Variants in PTPRD observed in about 807,000 individuals in gnomAD.
The protein encoded by PTPRD is receptor-type tyrosine-protein phosphatase delta.
A neutral mutation model predicts 214.5 loss-of-function variants in PTPRD; 34 were observed. The ratio of observed to expected loss-of-function variants is 0.16; its 90% CI spans 0.12 to 0.21. PTPRD has a LOEUF of 0.21. Ranked by LOEUF, PTPRD falls within the 10% of genes least tolerant of loss-of-function variation. PTPRD has a pLI of 1.00. For synonymous variants in PTPRD, 1,128 were observed against 845.7 expected, an observed-to-expected ratio of 1.33 and a Z score of -5.79; for missense variants, 2,545 against 2,398.7, an observed-to-expected ratio of 1.06 and a Z score of -1.27.
intron 12 of PTPRD, among the ~76,000 whole-genome samples, chr9:8,647,418 C>T (rs895075696): frequency 2.0e-5 from 3 of 152,038 alleles, no homozygotes; most frequent in African/African-American, 2.4e-5. Context: ...GAGGTTATAT[C>T]GTACCATTAT....
intron 19 of PTPRD, among the ~76,000 whole-genome samples, chr9:8,522,230 T>C (rs2097905645): frequency 6.6e-6 from 1 of 152,146 alleles, no homozygotes. Context: ...ATGCACAAGA[T>C]GGAATCTCAA....
intron 5 of PTPRD, among the ~76,000 whole-genome samples, chr9:9,839,721 C>T (rs2057808241): frequency 1.3e-5 from 2 of 152,032 alleles, no homozygotes; most frequent in South Asian, 2.1e-4. Flanking sequence ...TCGTATGGAA[C>T]CAAAAAAGAG....
At chr9:9,782,283 T>C (rs1314782691) in intron 5 of PTPRD, among the ~76,000 whole-genome samples, 1 of 152,158 alleles carries the variant, frequency 6.6e-6, no homozygotes, top group African/African-American at 2.4e-5. Flanking sequence ...TACAGGTACC[T>C]CTAAGTCCTA....
intron 2 of PTPRD, among the ~76,000 whole-genome samples, chr9:10,549,560 C>G (rs973644723): frequency 6.6e-6 from 1 of 152,082 alleles, no homozygotes; most frequent in Admixed American, 6.5e-5. Flanking sequence ...AAGAGTCAGG[C>G]TGAGAACTAC....
chr9:9,730,792 GA>G, intron 7 of PTPRD, among the ~76,000 whole-genome samples: 1 of 152,190 alleles, frequency 6.6e-6, no homozygotes, highest in Admixed American at 6.5e-5. Context: ...TCTCTAAAGT[GA>G]TATTAAAATG....
At chr9:9,122,760 A>G (rs981877904) in intron 10 of PTPRD, among the ~76,000 whole-genome samples, 6 of 152,166 alleles carry the variant, frequency 3.9e-5, no homozygotes, top group African/African-American at 1.4e-4. Context: ...CCATACTCTC[A>G]TCTAATGTTT....
rs77094074 is a variant in PTPRD, at chr9:8,423,463, A to C, written c.4086+13129T>G. On this transcript the variant is annotated intron_variant, in intron 35 of 45. Transcript: ENST00000381196. ...CATTTAGCAGCTTTTGTATGAAATT[A>C]AGTTGCAGAAACATGAAAGGATTTT... Among the ~76,000 whole-genome samples, 555 of 152,310 alleles carry C rather than the reference A, an allele frequency of 3.6e-3. 2 individuals carry two copies. The highest frequency in any genetic ancestry group is 0.013 in the African/African-American group (532 of 41,570).
intron 3 of PTPRD, among the ~76,000 whole-genome samples, chr9:10,255,310 A>G (rs1052502234): frequency 6.6e-6 from 1 of 152,214 alleles, no homozygotes; most frequent in Non-Finnish European, 1.5e-5. Context: ...CCTAGGCTAT[A>G]CAGTATAGCC....
At chr9:9,372,999 G>T (rs1462046595) in intron 9 of PTPRD, among the ~76,000 whole-genome samples, 1 of 152,022 alleles carries the variant, frequency 6.6e-6, no homozygotes, top group African/African-American at 2.4e-5. Context: ...CACAAAATAT[G>T]AAGACTTTCT....
intron 37 of PTPRD, among the ~76,000 whole-genome samples, chr9:8,387,735 G>A (rs1164500364): frequency 1.3e-5 from 2 of 152,090 alleles, no homozygotes; most frequent in Middle Eastern, 6.3e-3. Context: ...AATGTTCTGG[G>A]CCCCAGTATA....
intron 7 of PTPRD, among the ~76,000 whole-genome samples, chr9:9,730,806 C>G (rs1178417615): frequency 6.6e-6 from 1 of 152,066 alleles, no homozygotes; most frequent in Non-Finnish European, 1.5e-5. Flanking sequence ...TTAAAATGCC[C>G]TTTACAAAGT....
In PTPRD at chr9:9,008,015, T is replaced by G. The variant is rs1245718786; in HGVS notation, c.-104+10682A>C. ...GTATACATGTGCCGTGCTGGTGCGC[T>G]GTACCCATTAACTCAGAAATTTAAA... On this transcript the variant is annotated intron_variant, in intron 11 of 45. Coordinates refer to ENST00000381196, the MANE Select transcript of PTPRD (RefSeq NM_002839.4). 1.1e-4 allele frequency among the ~76,000 whole-genome samples: 15 copies of G among 141,198 alleles called. 3 individuals carry two copies. The highest frequency in any genetic ancestry group is 3.6e-4 in the African/African-American group (14 of 39,232). The allele number at this position is 141,198 out of a possible 152,430, so 92.6% of individuals were successfully genotyped here.
intron 8 of PTPRD, among the ~76,000 whole-genome samples, chr9:9,500,743 T>G (rs2096384875): frequency 6.6e-6 from 1 of 152,124 alleles, no homozygotes; most frequent in Admixed American, 6.6e-5. Flanking sequence ...AGAAGACTTT[T>G]TTTTCTATTC....
chr9:10,076,930 T>C (rs1205991875), intron 3 of PTPRD, among the ~76,000 whole-genome samples: 1 of 152,118 alleles, frequency 6.6e-6, no homozygotes, highest in Non-Finnish European at 1.5e-5. Flanking sequence ...AATGATTCTT[T>C]CATTGCTTAG....
chr9:9,254,163 G>C (rs559631313), intron 9 of PTPRD, among the ~76,000 whole-genome samples: 1 of 152,166 alleles, frequency 6.6e-6, no homozygotes, highest in African/African-American at 2.4e-5. Context: ...GATATTAATA[G>C]GCTCCAGGGA....
At chr9:8,556,156 G>A (rs2083688714) in intron 14 of PTPRD, among the ~76,000 whole-genome samples, 1 of 152,174 alleles carries the variant, frequency 6.6e-6, no homozygotes, top group African/African-American at 2.4e-5. Context: ...CACTGAGAAA[G>A]CTAAAAATTT....
At chr9:9,377,967 T>C (rs191836494) in intron 9 of PTPRD, among the ~76,000 whole-genome samples, 299 of 152,218 alleles carry the variant, frequency 2.0e-3, no homozygotes, top group African/African-American at 6.8e-3. Flanking sequence ...GAGAGGAAAG[T>C]ACAGAGATTT....
At chr9:9,599,557 G>A (rs963032213) in intron 7 of PTPRD, among the ~76,000 whole-genome samples, 6 of 151,742 alleles carry the variant, frequency 4.0e-5, no homozygotes, top group African/African-American at 1.2e-4. Context: ...CTATTCTTCA[G>A]GTATCTTAAT....
chr9:9,568,746 G>T (rs2085385182), intron 8 of PTPRD, among the ~76,000 whole-genome samples: 1 of 151,670 alleles, frequency 6.6e-6, no homozygotes, highest in African/African-American at 2.4e-5. Flanking sequence ...TCCACTGATG[G>T]GTAACTAAAG....
Sources: gnomAD v4.1 joint callset for allele counts (sites outside exome capture counted in the v4.1 genomes callset) on GRCh38, gnomAD v4.1.1 for gene constraint, MANE v1.5 for transcripts, NCBI Gene and HGNC (gene_info 2026-07-23, HGNC 2026-07-21) for gene names.